UTRN: variants seen among roughly 807,000 people sequenced by gnomAD.
UTRN encodes the protein utrophin.
A neutral mutation model predicts 463.9 loss-of-function variants in UTRN; 283 were observed. That is an observed-to-expected ratio of 0.61 (90% CI 0.55 to 0.67). The LOEUF (loss-of-function observed/expected upper bound fraction) is 0.67. Ranked by LOEUF, UTRN falls within the 30% of genes least tolerant of loss-of-function variation. The probability of loss-of-function intolerance (pLI) is 0.00; values close to 1 mark genes in which losing one functional copy is unlikely to be tolerated. For missense variants in UTRN, 3,922 were observed against 4,084.3 expected (o/e 0.96, Z 1.08); for synonymous variants, 1,442 against 1,431.5 (o/e 1.01, Z -0.17).
At chr6:144,605,677 A>ACTT (rs1554302046) in intron 51 of UTRN, among the ~76,000 whole-genome samples, 1 of 139,718 alleles carries the variant, frequency 7.2e-6, no homozygotes, top group Non-Finnish European at 1.6e-5. Context: ...TGTGGGTGCC[A>ACTT]TTTTTTTTTT....
intron 41 of UTRN, among the ~76,000 whole-genome samples, chr6:144,524,030 C>T (rs931749653): frequency 7.2e-5 from 11 of 152,096 alleles, no homozygotes; most frequent in African/African-American, 2.7e-4. Context: ...CAGTGGAAAG[C>T]GCTGTATAAG....
In UTRN at chr6:144,551,088, T is replaced by G; in HGVS notation, c.6928+6T>G. The G allele has an allele frequency of 6.3e-7, 1 of 1,589,114 alleles. No homozygotes were observed. The highest frequency in any genetic ancestry group is 8.5e-7 in the Non-Finnish European group (1 of 1,170,934). On this transcript the variant is annotated splice_donor_region_variant and intron_variant, in intron 48 of 74. Coordinates refer to ENST00000367545, the MANE Select transcript of UTRN (RefSeq NM_007124.3). The stretch of plus-strand genomic sequence containing the variant: ...AACAGCAATTACAGAAAAATGTAAG[T>G]TTTTTAAAAAAAGTTATGTATTATC...
chr6:144,697,440 C>A (rs545568315), intron 52 of UTRN, among the ~76,000 whole-genome samples: 2 of 152,036 alleles, frequency 1.3e-5, no homozygotes, highest in African/African-American at 4.8e-5. Flanking sequence ...ACAAAGCATT[C>A]GACCTGTTGC....
intron 2 of UTRN, among the ~76,000 whole-genome samples, chr6:144,315,323 AG>A (rs1312512082): frequency 1.2e-4 from 18 of 152,254 alleles, no homozygotes; most frequent in Admixed American, 1.0e-3. Flanking sequence ...GATGGCTGGC[AG>A]GGGCAGTAGG....
chr6:144,749,853 T>C (rs1791191607), intron 55 of UTRN, among the ~76,000 whole-genome samples: 1 of 152,194 alleles, frequency 6.6e-6, no homozygotes. Context: ...GAAGTTATAT[T>C]CTATTTGTTT....
At chr6:144,553,133 G>A (rs957444579) in intron 48 of UTRN, among the ~76,000 whole-genome samples, 3 of 152,136 alleles carry the variant, frequency 2.0e-5, no homozygotes, top group African/African-American at 7.2e-5. Flanking sequence ...TGCCTCCTGG[G>A]ATCCAGCGAT....
In UTRN at chr6:144,438,685, A is replaced by G. The variant is rs1467611883; in HGVS notation, c.1242-60A>G. The G allele has an allele frequency of 3.7e-6, 6 of 1,601,284 alleles. No homozygotes were observed. The African/African-American group carries it at 5.4e-5, about 14-fold the overall frequency. ...CCTGTATCTCCGGTGCCCAGAATGT[A>G]TATTTGACTTTGCAAAGGGAAAAGG... On this transcript the variant is annotated intron_variant, in intron 11 of 74. Transcript: ENST00000367545.
rs1219335410 is a variant in UTRN at position 144,730,404 on chromosome 6, T to C, written c.7857T>C (p.Ala2619=). 3 of 1,612,548 alleles carry C rather than the reference T, an allele frequency of 1.9e-6. No individual in the cohort carries two copies. The highest frequency in any genetic ancestry group is 1.7e-6 in the Non-Finnish European group (2 of 1,179,170). ...AGAAAGAATATTCTGTCCTGAATGCTGTCGACCAGGCCCGAGTTTTCTTGG... is the reference window on the plus strand; with the variant it reads ...AGAAAGAATATTCTGTCCTGAATGCCGTCGACCAGGCCCGAGTTTTCTTGG... The part of the protein sequence containing the change: ...LKEKEYSVLN[A]VDQARVFLAD... The change falls in exon 54 of 75, where the codon GCT becomes GCC. Residue 2619 remains alanine, a synonymous_variant. Transcript: ENST00000367545.
chr6:144,819,397 G>GT (rs964573265), intron 65 of UTRN, among the ~76,000 whole-genome samples: 7 of 151,768 alleles, frequency 4.6e-5, no homozygotes, highest in African/African-American at 1.7e-4. Context: ...TTTTGTTTTT[G>GT]TTTTTTTCAA....
At chr6:144,420,918 A>C (rs1302621868) in intron 3 of UTRN, among the ~76,000 whole-genome samples, 1 of 152,220 alleles carries the variant, frequency 6.6e-6, no homozygotes, top group Non-Finnish European at 1.5e-5. Flanking sequence ...TCTCAGGAAC[A>C]TATGCCATAC....
At chr6:144,793,025 A>G (rs1321530785) in intron 62 of UTRN, among the ~76,000 whole-genome samples, 1 of 152,182 alleles carries the variant, frequency 6.6e-6, no homozygotes, top group East Asian at 1.9e-4. Flanking sequence ...ATTTCATTAC[A>G]TGAAGTAAAA....
chr6:144,652,644 T>C (rs1467089459), intron 51 of UTRN, among the ~76,000 whole-genome samples: 1 of 152,200 alleles, frequency 6.6e-6, no homozygotes, highest in Non-Finnish European at 1.5e-5. Flanking sequence ...TAGATGACAA[T>C]AGGGATACTC....
In UTRN at chr6:144,302,991, C is replaced by T. The variant is rs958811369; in HGVS notation, c.79+11084C>T. On this transcript the variant is annotated intron_variant, in intron 2 of 74. Coordinates refer to ENST00000367545, the MANE Select transcript of UTRN (RefSeq NM_007124.3). ...TTGAAGCAGGGTTTATTTGATCTTT[C>T]CCTGTAAGAAGCCACTACAGGATTT... is the stretch of plus-strand genomic sequence containing the variant. Among the ~76,000 whole-genome samples, 8 of 152,238 alleles carry T rather than the reference C, an allele frequency of 5.3e-5. No individual in the cohort carries two copies. The South Asian group carries it at 1.7e-3, about 32-fold the overall frequency.
intron 13 of UTRN, among the ~76,000 whole-genome samples, chr6:144,443,085 A>G (rs190082337): frequency 6.6e-6 from 1 of 152,368 alleles, no homozygotes; most frequent in East Asian, 1.9e-4. Context: ...TTCTTTTTGC[A>G]CAAAGGCAAT....
chr6:144,444,271 C>G lies in UTRN; in HGVS notation c.1513-10C>G. ...CTGTGTTGACAAAGGATGGTTTCTC[C>G]TTTTTCTAGAAACTTGGTGAGCGCT... On this transcript the variant is annotated splice_polypyrimidine_tract_variant and intron_variant, in intron 13 of 74. Coordinates refer to ENST00000367545, the MANE Select transcript of UTRN (RefSeq NM_007124.3). 2 of 1,606,008 alleles carry G rather than the reference C, an allele frequency of 1.2e-6. No homozygotes were observed.
At chr6:144,400,839 T>G (rs1782879156) in intron 2 of UTRN, among the ~76,000 whole-genome samples, 1 of 152,170 alleles carries the variant, frequency 6.6e-6, no homozygotes, top group Admixed American at 6.5e-5. Context: ...ACCCATAAAA[T>G]AAAGACTATT....
intron 41 of UTRN, among the ~76,000 whole-genome samples, chr6:144,527,316 A>T (rs1441147970): frequency 6.6e-6 from 1 of 152,216 alleles, no homozygotes; most frequent in Non-Finnish European, 1.5e-5. Flanking sequence ...GAGGCTGAAG[A>T]TAGGACCCCA....
chr6:144,824,372 G>A (rs1292730582), intron 66 of UTRN, among the ~76,000 whole-genome samples: 1 of 145,652 alleles, frequency 6.9e-6, no homozygotes, highest in Non-Finnish European at 1.5e-5. Context: ...GGGTCATTAA[G>A]TTCTTCAAAA....
intron 51 of UTRN, among the ~76,000 whole-genome samples, chr6:144,624,388 C>T (rs951571): frequency 0.51 from 77,825 of 151,892 alleles, 21,297 homozygotes; most frequent in East Asian, 0.84. Context: ...AGACCAGGCA[C>T]GACGACAGTA....
Sources: allele counts gnomAD v4.1 joint callset (sites outside exome capture counted in the v4.1 genomes callset), GRCh38; gene constraint gnomAD v4.1.1; transcripts MANE v1.5; gene names NCBI Gene and HGNC (gene_info 2026-07-23, HGNC 2026-07-21).